RASL12: variants seen among roughly 807,000 people sequenced by gnomAD.
The protein encoded by RASL12 is ras-like protein family member 12.
RASL12 carries 16 observed loss-of-function variants against 22.9 expected under a neutral mutation model. The observed-to-expected ratio is 0.70, with a 90% CI of 0.47 to 1.06. RASL12 has a LOEUF of 1.06. Among genes scored for constraint, RASL12 ranks in the 50% least tolerant of loss-of-function variants. The pLI is 0.00. For missense variants in RASL12, 306 were observed against 353.1 expected (o/e 0.87, Z 1.07); for synonymous variants, 159 against 152.2 (o/e 1.04, Z -0.33).
At chr15:65,065,578 C>A (rs556533369) in intron 1 of RASL12, among the ~76,000 whole-genome samples, 4 of 152,116 alleles carry the variant, frequency 2.6e-5, no homozygotes, top group Non-Finnish European at 5.9e-5. Context: ...CCCATGCAAC[C>A]ATTACCCTAG....
At chr15:65,056,207 C>T (rs1242054275) in intron 4 of RASL12, among the ~76,000 whole-genome samples, 2 of 152,180 alleles carry the variant, frequency 1.3e-5, no homozygotes, top group Non-Finnish European at 2.9e-5. Context: ...TGTCCCGCTG[C>T]CCATTCCCGA....
intron 2 of RASL12, among the ~76,000 whole-genome samples, chr15:65,061,722 G>A (rs999519642): frequency 2.6e-5 from 4 of 152,164 alleles, no homozygotes; most frequent in African/African-American, 7.2e-5. Context: ...AGAAGCTCAC[G>A]TCAGAGTGTA....
intron 2 of RASL12, among the ~76,000 whole-genome samples, chr15:65,062,744 C>T (rs750505208): frequency 6.6e-6 from 1 of 152,172 alleles, no homozygotes; most frequent in Non-Finnish European, 1.5e-5. Context: ...GTTGTTTTAC[C>T]AGCATTGCTG....
chr15:65,050,132 G>A, downstream of RASL12: 1 of 1,528,120 alleles, frequency 6.5e-7, no homozygotes, highest in Non-Finnish European at 8.9e-7. Context: ...GGCAGGGGTG[G>A]GGGTGTGCCC....
chr15:65,067,992 G>C, upstream of RASL12: 1 of 1,157,406 alleles, frequency 8.6e-7, no homozygotes. Context: ...CCAGCGGGCT[G>C]CCACCCCGCG....
rs1474805841 is a variant in RASL12, at chr15:65,067,975, C to T, written c.-140G>A. The T allele has an allele frequency of 2.0e-5, 24 of 1,174,316 alleles. No homozygotes were observed. The highest frequency in any genetic ancestry group is 2.3e-5 in the Non-Finnish European group (22 of 951,318). The allele number at this position is 1,174,316 out of a possible 1,614,324, so 72.7% of individuals were successfully genotyped here. ...ACCCGTCGGCGTCCGCGCCCTCGGC[C>T]CCGCGTCCAGCGGGCTGCCACCCCG... On this transcript the variant is annotated 5_prime_UTR_variant, in exon 1 of 5. Coordinates refer to ENST00000220062, the MANE Select transcript of RASL12 (RefSeq NM_016563.4).
In RASL12 at chr15:65,065,802, C is replaced by A. The variant is rs527764593; in HGVS notation, c.104-529G>T. ...TAAGGTCCAGGTGAGGTCTGTGTCCCGAAGAAACACACTCTGGTCCTGGTC... is the reference window on the plus strand; with the variant it reads ...TAAGGTCCAGGTGAGGTCTGTGTCCAGAAGAAACACACTCTGGTCCTGGTC... On this transcript the variant is annotated intron_variant, in intron 1 of 4. Transcript: ENST00000220062. 1.3e-4 allele frequency among the ~76,000 whole-genome samples: 20 copies of A among 152,190 alleles called. No homozygotes were observed. In the South Asian group the frequency reaches 3.9e-3, roughly 30 times the overall value.
chr15:65,051,462 T>A, downstream of RASL12: 1 of 1,567,696 alleles, frequency 6.4e-7, no homozygotes, highest in Non-Finnish European at 8.8e-7. Context: ...GTTAGCGGGC[T>A]TGAGAGGTGC....
chr15:65,059,511 A>G lies in RASL12; in HGVS notation c.161-93T>C, dbSNP rs577313570. The G allele has an allele frequency of 6.2e-6, 6 of 962,980 alleles. No individual in the cohort carries two copies. The South Asian group carries it at 8.1e-5, about 13-fold the overall frequency. The allele number at this position is 962,980 out of a possible 1,614,324, so 59.7% of individuals were successfully genotyped here. ...CTAGACCCCTGTGTGGCCTGGGGGG[A>G]CCTTAGCAGCTGCTCTGGGGCTGGG... On this transcript the variant is annotated intron_variant, in intron 2 of 4. Transcript: ENST00000220062.
Position 65,058,564 on chromosome 15 carries a change from C to A in RASL12, c.288G>T (p.Val96=). 6.2e-7 allele frequency: 1 copy of A among 1,607,928 alleles called. No homozygotes were observed. The highest frequency in any genetic ancestry group is 8.5e-7 in the Non-Finnish European group (1 of 1,175,734). The part of the protein sequence containing the change: ...RYLNWAHAFL[V]VYSVDSRQSF... ...TCTGGCGGCTGTCGACGCTGTACACCACCAGGAAGGCATGGGCCCAGTTCA... is the reference window on the plus strand; with the variant it reads ...TCTGGCGGCTGTCGACGCTGTACACAACCAGGAAGGCATGGGCCCAGTTCA... Residue 96 remains valine, a synonymous_variant, in exon 4 of 5, where the codon GTG becomes GTT. Coordinates refer to ENST00000220062, the MANE Select transcript of RASL12 (RefSeq NM_016563.4).
the RASL12 span, among the ~76,000 whole-genome samples, chr15:65,045,844 G>T: frequency 6.6e-6 from 1 of 152,238 alleles, no homozygotes; most frequent in Non-Finnish European, 1.5e-5. Context: ...GCTCACTTTA[G>T]AAGCAAACTG....
At chr15:65,062,633 A>G (rs3784447) in intron 2 of RASL12, among the ~76,000 whole-genome samples, 56,250 of 152,022 alleles carry the variant, frequency 0.37, 11,150 homozygotes, top group East Asian at 0.72. Flanking sequence ...TCTACACTGA[A>G]GCTAGTACTG....
intron 1 of RASL12, chr15:65,076,491 G>A (rs1230658261): frequency 1.5e-5 from 10 of 673,952 alleles, no homozygotes; most frequent in Middle Eastern, 2.7e-4. Flanking sequence ...AGAAAGGACA[G>A]ACTCCAGACA....
intron 1 of RASL12, among the ~76,000 whole-genome samples, chr15:65,075,917 C>T (rs754690794): frequency 1.3e-5 from 2 of 152,088 alleles, no homozygotes; most frequent in Non-Finnish European, 2.9e-5. Flanking sequence ...AATCAGCACC[C>T]TGAGTTTAGT....
rs2086696745 is a variant in RASL12, at chr15:65,054,257, TC to T, written c.*641del. On this transcript the variant is annotated 3_prime_UTR_variant, in exon 5 of 5. Transcript: ENST00000220062. ...GCTCCTTATGCTGGACAACCTACAG[TC>T]CCTCCCTTTTATCCTCATTGAGACG... The T allele has an allele frequency of 2.0e-6, 2 of 985,780 alleles. No individual in the cohort carries two copies. Among genetic ancestry groups the T allele is most frequent in the African/African-American group, 3.5e-5 (2 of 57,232 alleles). The allele number at this position is 985,780 out of a possible 1,614,324, so 61.1% of individuals were successfully genotyped here.
At chr15:65,052,896 C>T (rs1030802945), downstream of RASL12, 8 of 1,469,096 alleles carry the variant, frequency 5.4e-6, no homozygotes, top group African/African-American at 5.7e-5. Context: ...ACTCTTTAAG[C>T]CATTTGGGCG....
At chr15:65,064,605 T>C (rs2086854161) in intron 2 of RASL12, among the ~76,000 whole-genome samples, 1 of 152,096 alleles carries the variant, frequency 6.6e-6, no homozygotes, top group African/African-American at 2.4e-5. Context: ...TTTTGAGTTT[T>C]TTTTTTTTTT....
downstream of RASL12, among the ~76,000 whole-genome samples, chr15:65,050,729 C>A (rs561159459): frequency 1.3e-5 from 2 of 152,170 alleles, no homozygotes; most frequent in East Asian, 1.9e-4. Context: ...TCTTGAGTAG[C>A]CACATTCAGT....
chr15:65,061,561 C>G (rs2086805016), intron 2 of RASL12, among the ~76,000 whole-genome samples: 1 of 152,192 alleles, frequency 6.6e-6, no homozygotes. Flanking sequence ...CCTCAGAGTA[C>G]TCTGGTGTCC....
Sources: allele counts gnomAD v4.1 joint callset (sites outside exome capture counted in the v4.1 genomes callset), GRCh38; gene constraint gnomAD v4.1.1; transcripts MANE v1.5; gene names NCBI Gene and HGNC (gene_info 2026-07-23, HGNC 2026-07-21).